The following ADGRL2 variants were observed in gnomAD, a reference collection of about 807,000 sequenced individuals.
The protein encoded by ADGRL2 is adhesion G protein-coupled receptor L2.
Under a neutral mutation model 157.4 loss-of-function variants are expected in ADGRL2, and 44 were observed. The observed-to-expected ratio is 0.28, with a 90% CI of 0.22 to 0.36. ADGRL2 has a LOEUF of 0.36. ADGRL2 is among the 10% of genes least tolerant of loss of function. The pLI, the probability that ADGRL2 is intolerant of heterozygous loss-of-function variation, is 1.00. For missense variants in ADGRL2, 1,510 were observed against 1,768.9 expected (o/e 0.85, Z 2.63); for synonymous variants, 585 against 624.7 (o/e 0.94, Z 0.95).
chr1:81,834,232 A>C (rs2092141895), intron 1 of ADGRL2, among the ~76,000 whole-genome samples: 1 of 152,198 alleles, frequency 6.6e-6, no homozygotes, highest in Non-Finnish European at 1.5e-5. Flanking sequence ...AAGGTTTTCT[A>C]AAAATCAAAA....
chr1:81,569,380 G>A (rs2080635189), intron 2 of ADGRL2, among the ~76,000 whole-genome samples: 1 of 152,144 alleles, frequency 6.6e-6, no homozygotes, highest in East Asian at 1.9e-4. Context: ...ATCTATTGCA[G>A]CATAACAAAT....
chr1:81,470,808 A>G (rs1022692388), intron 2 of ADGRL2, among the ~76,000 whole-genome samples: 2 of 152,198 alleles, frequency 1.3e-5, no homozygotes, highest in Non-Finnish European at 2.9e-5. Context: ...GTTGTCACAT[A>G]GTGAGCTTAA....
At chr1:81,640,458 C>T (rs936104768) in intron 3 of ADGRL2, among the ~76,000 whole-genome samples, 4 of 151,810 alleles carry the variant, frequency 2.6e-5, no homozygotes, top group East Asian at 1.9e-4. Context: ...CATGGTGAAA[C>T]CTCCCCCTAC....
intron 3 of ADGRL2, among the ~76,000 whole-genome samples, chr1:81,664,439 T>C (rs1293816376): frequency 2.6e-5 from 4 of 152,306 alleles, no homozygotes; most frequent in African/African-American, 9.6e-5. Flanking sequence ...ATAATAGTGT[T>C]GATGTGCTTC....
At chr1:81,375,759 AC>A (rs1309338853) in intron 1 of ADGRL2, among the ~76,000 whole-genome samples, 1 of 151,876 alleles carries the variant, frequency 6.6e-6, no homozygotes, top group Non-Finnish European at 1.5e-5. Flanking sequence ...GAATTTCTGG[AC>A]CCCCCTCCAT....
rs1030502737 is a variant in ADGRL2 at position 81,503,077 on chromosome 1, G to A, written c.-248+57988G>A. On this transcript the variant is annotated intron_variant, in intron 2 of 24. Coordinates refer to the ADGRL2 transcript ENST00000370721. ...GCAGCTGCGGGAGCGGCTGGAGTCA[G>A]GGGAGCCTGCTGAGAAGAAGGCGTC... 1.7e-5 allele frequency: 27 copies of A among 1,609,116 alleles called. No homozygotes were observed. In the African/African-American group the frequency reaches 2.8e-4, roughly 17 times the overall value.
intron 1 of ADGRL2, among the ~76,000 whole-genome samples, chr1:81,387,988 A>G (rs1183860120): frequency 6.6e-6 from 1 of 151,932 alleles, no homozygotes; most frequent in Non-Finnish European, 1.5e-5. Flanking sequence ...ACCATCATCA[A>G]TATTTTATGT....
chr1:81,318,088 C>T (rs1490990935), intron 1 of ADGRL2, among the ~76,000 whole-genome samples: 2 of 152,052 alleles, frequency 1.3e-5, no homozygotes, highest in East Asian at 1.9e-4. Context: ...ACATACTCTC[C>T]ACCTTTAAAG....
intron 3 of ADGRL2, among the ~76,000 whole-genome samples, chr1:81,664,797 T>A (rs188167116): frequency 3.3e-4 from 50 of 152,316 alleles, no homozygotes; most frequent in South Asian, 3.1e-3. Flanking sequence ...CTGAAAATAC[T>A]GCGTCTTTGC....
rs139535709 is a variant in ADGRL2 at position 81,778,181 on chromosome 1, G to T, written c.-101+16329G>T. On this transcript the variant is annotated intron_variant, in intron 2 of 20. Transcript: ENST00000359929. ...TAAAAATACAAAAAAAATTAGCCAAGCATGGTGGCGGGCACTTGTAGTCCC... is the reference window on the plus strand; with the variant it reads ...TAAAAATACAAAAAAAATTAGCCAATCATGGTGGCGGGCACTTGTAGTCCC... Among the ~76,000 whole-genome samples, 679 of 147,790 alleles carry T rather than the reference G, an allele frequency of 4.6e-3. 5 individuals carry two copies. The highest frequency in any genetic ancestry group is 7.1e-3 in the Non-Finnish European group (479 of 67,482).
chr1:81,719,179 C>T lies in ADGRL2; in HGVS notation c.-143+19371C>T, dbSNP rs557726264. On this transcript the variant is annotated intron_variant, in intron 1 of 20. Coordinates refer to the ADGRL2 transcript ENST00000359929. ...ACCTTGCCTCATGGCAAGGAATATA[C>T]CCTTTTTCAACATAAATTAGAGTTC... Among the ~76,000 whole-genome samples, 7 of 152,180 alleles carry T rather than the reference C, an allele frequency of 4.6e-5. No homozygotes were observed. In the South Asian group the frequency reaches 1.4e-3, roughly 31 times the overall value.
At position 81,637,382 on chromosome 1, in the gene ADGRL2, C is replaced by T. The variant is rs114505132; in HGVS notation, c.-143+56402C>T. Reference sequence around the variant, plus strand: ...GTGAAATAATTTGACCCAGCTTCCACGGCTAGTAGGTAGTAGAAAGAGGAT... The same window carrying T: ...GTGAAATAATTTGACCCAGCTTCCATGGCTAGTAGGTAGTAGAAAGAGGAT... On this transcript the variant is annotated intron_variant, in intron 3 of 24. Coordinates refer to the ADGRL2 transcript ENST00000370721. Among the ~76,000 whole-genome samples, 888 of 152,254 alleles carry T rather than the reference C, an allele frequency of 5.8e-3. 8 individuals are homozygous for T. Among genetic ancestry groups the T allele is most frequent in the African/African-American group, 0.02 (817 of 41,556 alleles).
chr1:81,572,686 C>A (rs2080719614), intron 2 of ADGRL2, among the ~76,000 whole-genome samples: 1 of 152,008 alleles, frequency 6.6e-6, no homozygotes, highest in African/African-American at 2.4e-5. Context: ...ACAGAAAATG[C>A]AAATTACTAA....
intron 2 of ADGRL2, among the ~76,000 whole-genome samples, chr1:81,770,384 A>G (rs115964962): frequency 2.0e-4 from 30 of 151,190 alleles, no homozygotes; most frequent in African/African-American, 6.8e-4. Context: ...GATGGTCTTG[A>G]ACTCCTAGCC....
chr1:81,640,437 A>T (rs1387397299), intron 3 of ADGRL2, among the ~76,000 whole-genome samples: 2 of 151,984 alleles, frequency 1.3e-5, no homozygotes, highest in Non-Finnish European at 2.9e-5. Flanking sequence ...GATCGAGACC[A>T]TCCTGGCCAA....
chr1:81,614,900 C>A (rs1052929347), intron 3 of ADGRL2, among the ~76,000 whole-genome samples: 1 of 151,710 alleles, frequency 6.6e-6, no homozygotes, highest in African/African-American at 2.4e-5. Context: ...GTAGTCCCAG[C>A]TATTCAGGAG....
At chr1:81,802,410 TC>T (rs1248528609) in intron 1 of ADGRL2, among the ~76,000 whole-genome samples, 5 of 151,476 alleles carry the variant, frequency 3.3e-5, no homozygotes, top group Admixed American at 2.6e-4. Flanking sequence ...GCTCGCTCCC[TC>T]CCCCCAATCT....
chr1:81,386,313 G>A (rs576197194), intron 1 of ADGRL2, among the ~76,000 whole-genome samples: 2 of 152,186 alleles, frequency 1.3e-5, no homozygotes, highest in South Asian at 4.1e-4. Context: ...GGTTTTAAAG[G>A]TGACCAGCAT....
chr1:81,553,033 A>G (rs1325709678), intron 2 of ADGRL2, among the ~76,000 whole-genome samples: 1 of 152,222 alleles, frequency 6.6e-6, no homozygotes, highest in African/African-American at 2.4e-5. Context: ...GCAGAAGAAT[A>G]AATTCCATAC....
Sources: gnomAD v4.1 joint callset for allele counts (sites outside exome capture counted in the v4.1 genomes callset) on GRCh38, gnomAD v4.1.1 for gene constraint, MANE v1.5 for transcripts, NCBI Gene and HGNC (gene_info 2026-07-23, HGNC 2026-07-21) for gene names.